The following RAB3GAP2 variants were observed in gnomAD, a reference collection of about 807,000 sequenced individuals.
RAB3GAP2 encodes rab3 GTPase-activating protein non-catalytic subunit.
RAB3GAP2 carries 87 observed loss-of-function variants against 185.3 expected under a neutral mutation model. The ratio of observed to expected loss-of-function variants is 0.47; its 90% confidence interval spans 0.39 to 0.56. The LOEUF is 0.56. Ranked by LOEUF, RAB3GAP2 falls within the 20% of genes least tolerant of loss-of-function variation. The pLI, the probability that RAB3GAP2 is intolerant of heterozygous loss-of-function variation, is 0.00. For synonymous variants in RAB3GAP2, 554 were observed against 576.1 expected (o/e 0.96, Z 0.55); for missense variants, 1,492 against 1,638.2 (o/e 0.91, Z 1.54).
intron 1 of RAB3GAP2, among the ~76,000 whole-genome samples, chr1:220,265,632 T>C (rs1163855276): frequency 6.6e-6 from 1 of 152,080 alleles, no homozygotes; most frequent in Non-Finnish European, 1.5e-5. Context: ...TCCCTGCAAC[T>C]TCAAAGTAAT....
intron 21 of RAB3GAP2, among the ~76,000 whole-genome samples, chr1:220,180,155 C>T (rs138422576): frequency 0.016 from 2,458 of 151,102 alleles, 20 homozygotes; most frequent in Non-Finnish European, 0.024. Flanking sequence ...AGTGAGACTA[C>T]GTCTCAAAAA....
At chr1:220,200,632 A>C (rs1294787500) in intron 9 of RAB3GAP2, 1 of 527,332 alleles carries the variant, frequency 1.9e-6, no homozygotes, top group Admixed American at 2.0e-5. Flanking sequence ...AAGTTTAATT[A>C]ACAGAGCAGG....
At position 220,171,793 on chromosome 1, in the gene RAB3GAP2, C is replaced by A. The variant is rs151294561; in HGVS notation, c.2577+96G>T. 972 of 1,413,454 alleles carry A rather than the reference C, an allele frequency of 6.9e-4. 9 individuals are homozygous for A. In the East Asian group the frequency reaches 0.022, roughly 31 times the overall value. 87.6% of individuals were successfully genotyped at this position (1,413,454 alleles called of 1,614,324 possible). A position where few individuals can be genotyped will look rare whatever the true frequency, so the allele number is the denominator to read the frequency against. Reference sequence around the variant, plus strand: ...GGGGAGCACCTCTCATCCCTCTCCCCGCTCCAAAAAACCCCCCGAAAAACC... The same window carrying A: ...GGGGAGCACCTCTCATCCCTCTCCCAGCTCCAAAAAACCCCCCGAAAAACC... On this transcript the variant is annotated intron_variant, in intron 23 of 34. Transcript: ENST00000358951.
At chr1:220,244,300 T>C (rs2102898015) in intron 1 of RAB3GAP2, among the ~76,000 whole-genome samples, 1 of 152,188 alleles carries the variant, frequency 6.6e-6, no homozygotes, top group Non-Finnish European at 1.5e-5. Context: ...CTCAATCACT[T>C]TTACAACAGC....
intron 10 of RAB3GAP2, 55 bp downstream of exon 10, chr1:220,196,195 G>T: frequency 6.4e-7 from 1 of 1,561,992 alleles, no homozygotes; most frequent in Non-Finnish European, 8.8e-7. Flanking sequence ...CCAATTTGTA[G>T]ACAAATTGTA....
chr1:220,266,462 C>T (rs1162504675), intron 1 of RAB3GAP2: 5 of 502,700 alleles, frequency 9.9e-6, no homozygotes. Flanking sequence ...AACCTTGCCT[C>T]CAGATTATGA....
At chr1:220,152,834 G>A (rs1399556969) in intron 33 of RAB3GAP2, among the ~76,000 whole-genome samples, 2 of 152,072 alleles carry the variant, frequency 1.3e-5, no homozygotes, top group Admixed American at 6.5e-5. Context: ...GGGATTACAC[G>A]TGTGAGCCAC....
intron 2 of RAB3GAP2, among the ~76,000 whole-genome samples, 171 bp from the exon 3 acceptor site, chr1:220,214,150 C>T (rs1487605270): frequency 6.6e-6 from 1 of 152,126 alleles, no homozygotes; most frequent in African/African-American, 2.4e-5. Flanking sequence ...GGCTGACAAA[C>T]AAAATACCCA....
intron 26 of RAB3GAP2, among the ~76,000 whole-genome samples, chr1:220,165,962 C>CT (rs926711221): frequency 1.3e-4 from 20 of 152,224 alleles, no homozygotes; most frequent in Admixed American, 1.2e-3. Flanking sequence ...TTAAATGCCA[C>CT]TTTTTTAGAC....
chr1:220,222,773 T>C (rs1322536828), intron 2 of RAB3GAP2, among the ~76,000 whole-genome samples: 6 of 152,244 alleles, frequency 3.9e-5, no homozygotes, highest in African/African-American at 9.6e-5. Flanking sequence ...CTTCTATTCA[T>C]ATAGTGCCAA....
At chr1:220,245,851 T>C in intron 1 of RAB3GAP2, among the ~76,000 whole-genome samples, 1 of 152,132 alleles carries the variant, frequency 6.6e-6, no homozygotes, top group East Asian at 1.9e-4. Context: ...TTCAAGTGGG[T>C]CCCTGGCCCC....
intron 27 of RAB3GAP2, among the ~76,000 whole-genome samples, chr1:220,163,890 G>A (rs1205142049): frequency 6.6e-6 from 1 of 151,440 alleles, no homozygotes; most frequent in Non-Finnish European, 1.5e-5. Flanking sequence ...ATGTGATAGA[G>A]GTGAAAAATA....
chr1:220,195,503 T>G (rs554099010), intron 10 of RAB3GAP2, 126 bp from the exon 11 acceptor site: 1 of 855,670 alleles, frequency 1.2e-6, no homozygotes. Context: ...ACTCAGCTTC[T>G]TTCAGAGTAC....
Position 220,190,100 on chromosome 1 carries a change from GTTTCTTCACTAGGTGCATATC to G in RAB3GAP2, c.1657_1677del (p.Asp553_Lys559del). The G allele has an allele frequency of 6.2e-7, 1 of 1,613,484 alleles. No individual in the cohort carries two copies. On this transcript the variant is annotated inframe_deletion, in exon 16 of 35. Transcript: ENST00000358951. Reference sequence around the variant, plus strand: ...GATTTTGTTTTCAGTAAGGCTGCTAGTTTCTTCACTAGGTGCATATCCTTGGCTCGTTCACTCTTCTTATCA... The same window carrying G: ...GATTTTGTTTTCAGTAAGGCTGCTAGCTTGGCTCGTTCACTCTTCTTATCA...
intron 12 of RAB3GAP2, 46 bp downstream of exon 12, chr1:220,195,032 G>A (rs1277681218): frequency 6.5e-7 from 1 of 1,542,644 alleles, no homozygotes; most frequent in African/African-American, 1.4e-5. Context: ...ACATTTAACA[G>A]TACCTTTCTA....
chr1:220,148,800 TC>T lies in RAB3GAP2; in HGVS notation c.*2450del, dbSNP rs1466846098. The T allele has an allele frequency of 3.9e-5, 6 of 152,188 alleles. No individual in the cohort carries two copies. The highest frequency in any genetic ancestry group is 1.4e-4 in the African/African-American group (6 of 41,454). The allele number at this position is 152,188 out of a possible 1,614,324, so 9.4% of individuals were successfully genotyped here. On this transcript the variant is annotated 3_prime_UTR_variant, in exon 35 of 35. Coordinates refer to ENST00000358951, the MANE Select transcript of RAB3GAP2 (RefSeq NM_012414.4). ...AAGCATGGTGCTATATATCTCTTTA[TC>T]TACATTTACCCTGGCCCCTCTAGTT...
intron 2 of RAB3GAP2, among the ~76,000 whole-genome samples, chr1:220,221,010 G>A (rs2102885952): frequency 6.6e-6 from 1 of 152,304 alleles, no homozygotes; most frequent in East Asian, 1.9e-4. Context: ...TGGGCTAGGT[G>A]CACCATTACC....
At chr1:220,245,499 C>T (rs776222538) in intron 1 of RAB3GAP2, among the ~76,000 whole-genome samples, 3 of 152,246 alleles carry the variant, frequency 2.0e-5, no homozygotes, top group Non-Finnish European at 4.4e-5. Context: ...ATATCCCACA[C>T]CTGGCTCGGA....
intron 1 of RAB3GAP2, among the ~76,000 whole-genome samples, chr1:220,264,216 ATAAGACTCT>A (rs1660190146): frequency 6.6e-6 from 1 of 152,118 alleles, no homozygotes; most frequent in Non-Finnish European, 1.5e-5. Flanking sequence ...TTTTCCTGTG[ATAAGACTCT>A]TAAGTATTAA....
Sources: gnomAD v4.1 joint callset for allele counts (sites outside exome capture counted in the v4.1 genomes callset) on GRCh38, gnomAD v4.1.1 for gene constraint, MANE v1.5 for transcripts, NCBI Gene and HGNC (gene_info 2026-07-23, HGNC 2026-07-21) for gene names.